The following ATR variants were observed in gnomAD, a reference collection of about 807,000 sequenced individuals.
ATR encodes the protein serine/threonine-protein kinase ATR.
A neutral mutation model predicts 305.3 loss-of-function variants in ATR; 142 were observed. That is an observed-to-expected ratio of 0.47 (90% confidence interval 0.41 to 0.53). ATR has a LOEUF of 0.53. Among genes scored for constraint, ATR ranks in the 20% least tolerant of loss-of-function variants. The pLI, the probability that ATR is intolerant of heterozygous loss-of-function variation, is 0.00. For missense variants in ATR, 2,135 were observed against 3,133.1 expected, an observed-to-expected ratio of 0.68 and a Z score of 7.60; for synonymous variants, 1,050 against 1,068.1, an observed-to-expected ratio of 0.98 and a Z score of 0.33.
chr3:142,498,885 C>CTTTTT, intron 31 of ATR, 111 bp from the exon 32 acceptor site: 1 of 841,122 alleles, frequency 1.2e-6, no homozygotes, highest in Non-Finnish European at 1.8e-6. Flanking sequence ...GGCTTCATTC[C>CTTTTT]TTTTTTTTTT....
intron 41 of ATR, among the ~76,000 whole-genome samples, chr3:142,462,944 T>C (rs2071051706): frequency 6.6e-6 from 1 of 152,158 alleles, no homozygotes; most frequent in Non-Finnish European, 1.5e-5. Flanking sequence ...AAATAAACAG[T>C]ATTATGTTTA....
intron 25 of ATR, among the ~76,000 whole-genome samples, chr3:142,514,919 T>TA (rs1312737362): frequency 6.6e-6 from 1 of 151,916 alleles, no homozygotes; most frequent in Admixed American, 6.6e-5. Context: ...ATCCAGCATG[T>TA]AAAAATTTCT....
intron 39 of ATR, 46 bp downstream of exon 39, chr3:142,467,888 A>C: frequency 6.2e-7 from 1 of 1,602,124 alleles, no homozygotes; most frequent in Non-Finnish European, 8.5e-7. Flanking sequence ...AATTATATAC[A>C]TAATTACCCA....
intron 23 of ATR, among the ~76,000 whole-genome samples, chr3:142,521,823 T>G (rs2033160508): frequency 1.3e-5 from 2 of 152,222 alleles, no homozygotes; most frequent in Admixed American, 6.5e-5. Flanking sequence ...AGATGGAATC[T>G]ACTGTGGTTC....
At chr3:142,452,993 T>C (rs1339965074) in intron 46 of ATR, 135 bp downstream of exon 46, 2 of 1,525,908 alleles carry the variant, frequency 1.3e-6, no homozygotes, top group Non-Finnish European at 1.8e-6. Flanking sequence ...GAGAACTAGA[T>C]TTCAGAGTAA....
At chr3:142,569,868 A>G (rs2035206596) in intron 1 of ATR, among the ~76,000 whole-genome samples, 1 of 149,502 alleles carries the variant, frequency 6.7e-6, no homozygotes, top group South Asian at 2.1e-4. Context: ...GATGGTCTCA[A>G]TCTCCTGACC....
intron 36 of ATR, among the ~76,000 whole-genome samples, chr3:142,474,924 TTTG>T (rs1192212726): frequency 2.0e-5 from 3 of 151,990 alleles, no homozygotes; most frequent in Admixed American, 2.0e-4. Flanking sequence ...TTAAAAAAAG[TTTG>T]TTTTTTTTTA....
chr3:142,468,214 C>T (rs2071176446), intron 38 of ATR, 146 bp from the exon 39 acceptor site: 1 of 911,744 alleles, frequency 1.1e-6, no homozygotes, highest in Non-Finnish European at 1.6e-6. Flanking sequence ...TTTGGCAATG[C>T]TATCAAGAGC....
chr3:142,520,058 C>T (rs2033079376), intron 23 of ATR, among the ~76,000 whole-genome samples: 1 of 152,032 alleles, frequency 6.6e-6, no homozygotes, highest in Non-Finnish European at 1.5e-5. Context: ...TTCGGTAATT[C>T]TCAAAATATT....
Position 142,553,744 on chromosome 3 carries a change from G to T in ATR, c.2533-4C>A, listed in dbSNP as rs781441873. The T allele has an allele frequency of 1.9e-6, 3 of 1,611,558 alleles. No homozygotes were observed. Among genetic ancestry groups the T allele is most frequent in the Non-Finnish European group, 2.5e-6 (3 of 1,177,920 alleles). The stretch of plus-strand genomic sequence containing the variant: ...CCTTCATTCTTAAGACAAAAAGCTA[G>T]AACAATAAAATTAACTGGTTAAAGA... On this transcript the variant is annotated splice_region_variant and splice_polypyrimidine_tract_variant and intron_variant, in intron 11 of 46. Transcript: ENST00000350721.
At chr3:142,551,174 G>T (rs368500873) in intron 13 of ATR, among the ~76,000 whole-genome samples, 4 of 152,288 alleles carry the variant, frequency 2.6e-5, no homozygotes, top group East Asian at 1.9e-4. Flanking sequence ...CACTTTCAGA[G>T]GCAGAAGTGG....
intron 21 of ATR, among the ~76,000 whole-genome samples, chr3:142,529,124 C>A (rs1214686069): frequency 6.6e-6 from 1 of 151,482 alleles, no homozygotes; most frequent in Non-Finnish European, 1.5e-5. Context: ...TCGTGATCTG[C>A]CTGCCTTGGC....
intron 1 of ATR, 29 bp downstream of exon 1, chr3:142,578,617 T>G: frequency 4.4e-6 from 7 of 1,606,430 alleles, no homozygotes; most frequent in Non-Finnish European, 6.0e-6. Flanking sequence ...CGGAGGAGGA[T>G]GCAGGACCCA....
chr3:142,488,288 G>C (rs541171196), intron 35 of ATR, among the ~76,000 whole-genome samples: 28 of 152,276 alleles, frequency 1.8e-4, no homozygotes, highest in African/African-American at 6.7e-4. Context: ...TTCAGGTCTA[G>C]AGTTAGCAAC....
intron 46 of ATR, chr3:142,452,881 A>G: frequency 1.5e-6 from 2 of 1,337,222 alleles, no homozygotes; most frequent in Non-Finnish European, 9.6e-7. Flanking sequence ...ATAACTGTGA[A>G]TTGTCTATGG....
intron 3 of ATR, among the ~76,000 whole-genome samples, chr3:142,564,552 C>T (rs974089683): frequency 6.6e-6 from 1 of 152,156 alleles, no homozygotes; most frequent in African/African-American, 2.4e-5. Context: ...GTGACTCTGT[C>T]TCAGGTACAC....
At chr3:142,519,558 C>T (rs1559959413) in intron 24 of ATR, 111 bp downstream of exon 24, 1 of 843,242 alleles carries the variant, frequency 1.2e-6, no homozygotes, top group South Asian at 1.6e-5. Context: ...CCTCAGCCTC[C>T]CAAAGTGCTG....
intron 32 of ATR, 24 bp downstream of exon 32, chr3:142,498,573 A>G: frequency 6.2e-7 from 1 of 1,609,760 alleles, no homozygotes; most frequent in South Asian, 1.1e-5. Context: ...GGCCAGAAAT[A>G]TAAAAATGGA....
chr3:142,477,604 C>T (rs961242934), intron 36 of ATR, among the ~76,000 whole-genome samples: 22 of 152,230 alleles, frequency 1.4e-4, no homozygotes, highest in Admixed American at 1.4e-3. Flanking sequence ...ATGCTGGCCT[C>T]ATAAAATGAG....
Sources: allele counts gnomAD v4.1 joint callset (sites outside exome capture counted in the v4.1 genomes callset), GRCh38; gene constraint gnomAD v4.1.1; transcripts MANE v1.5; gene names NCBI Gene and HGNC (gene_info 2026-07-23, HGNC 2026-07-21).